Variants in CRY1 observed in about 807,000 individuals in gnomAD.
CRY1 encodes the protein cryptochrome-1.
A neutral mutation model predicts 76.0 loss-of-function variants in CRY1; 45 were observed. The ratio of observed to expected loss-of-function variants is 0.59; its 90% confidence interval spans 0.47 to 0.76. CRY1 has a LOEUF of 0.76. Among genes scored for constraint, CRY1 ranks in the 30% least tolerant of loss-of-function variants. The pLI is 0.00. For synonymous variants in CRY1, 248 were observed against 244.0 expected (o/e 1.02, Z -0.15); for missense variants, 587 against 716.4 (o/e 0.82, Z 2.06).
intron 1 of CRY1, among the ~76,000 whole-genome samples, chr12:107,054,278 G>A (rs1952957235): frequency 6.6e-6 from 1 of 151,862 alleles, no homozygotes. Context: ...CAAAATTATT[G>A]ATTAACTTTA....
At position 107,022,493 on chromosome 12, in the gene CRY1, T is replaced by C. The variant is rs114345342; in HGVS notation, c.159-301A>G. Among the ~76,000 whole-genome samples the C allele has an allele frequency of 6.9e-3, 1,048 of 152,170 alleles. 18 individuals carry two copies. The highest frequency in any genetic ancestry group is 0.024 in the African/African-American group (1,003 of 41,558). On this transcript the variant is annotated intron_variant, in intron 1 of 12. Coordinates refer to ENST00000008527, the MANE Select transcript of CRY1 (RefSeq NM_004075.5). ...ACAAAGAAGTATCAAAGCAATTAAATTGGTTTCATTGTTTAAACTTGATGA... is the reference window on the plus strand; with the variant it reads ...ACAAAGAAGTATCAAAGCAATTAAACTGGTTTCATTGTTTAAACTTGATGA...
At chr12:107,000,142 T>C (rs1425447130) in intron 5 of CRY1, 60 bp from the exon 6 acceptor site, 8 of 1,495,732 alleles carry the variant, frequency 5.3e-6, no homozygotes, top group Middle Eastern at 1.8e-4. Flanking sequence ...AAAAGAACAC[T>C]CAGAATGGAG....
intron 1 of CRY1, among the ~76,000 whole-genome samples, chr12:107,026,220 T>G (rs1372915002): frequency 3.6e-5 from 5 of 139,958 alleles, no homozygotes; most frequent in Non-Finnish European, 3.0e-5. Flanking sequence ...GATTTCAAAT[T>G]AAGTCAGTTC....
intron 2 of CRY1, among the ~76,000 whole-genome samples, chr12:107,012,962 C>T (rs1028887521): frequency 3.3e-5 from 5 of 152,168 alleles, no homozygotes; most frequent in African/African-American, 9.7e-5. Flanking sequence ...GGATGAGGAG[C>T]CGCTTTCTAT....
intron 1 of CRY1, among the ~76,000 whole-genome samples, chr12:107,069,146 G>A (rs1387485644): frequency 6.6e-6 from 1 of 151,882 alleles, no homozygotes; most frequent in Non-Finnish European, 1.5e-5. Flanking sequence ...TACAGCAGCT[G>A]TACTATTTTA....
At chr12:107,036,178 A>G (rs1024133361) in intron 1 of CRY1, among the ~76,000 whole-genome samples, 1 of 152,198 alleles carries the variant, frequency 6.6e-6, no homozygotes, top group Non-Finnish European at 1.5e-5. Flanking sequence ...CATTGGCCAG[A>G]AAGAGTCACA....
intron 1 of CRY1, among the ~76,000 whole-genome samples, chr12:107,060,193 A>C (rs770593793): frequency 2.6e-5 from 4 of 152,228 alleles, no homozygotes; most frequent in Non-Finnish European, 5.9e-5. Flanking sequence ...GTGGTGCTAT[A>C]GTTTGAATGT....
At chr12:107,043,765 C>T (rs1362470812) in intron 1 of CRY1, among the ~76,000 whole-genome samples, 1 of 152,092 alleles carries the variant, frequency 6.6e-6, no homozygotes, top group Admixed American at 6.5e-5. Flanking sequence ...GTATTTGCTG[C>T]CACTACATCT....
chr12:107,046,974 G>C (rs551101100), intron 1 of CRY1, among the ~76,000 whole-genome samples: 1 of 152,106 alleles, frequency 6.6e-6, no homozygotes, highest in Non-Finnish European at 1.5e-5. Flanking sequence ...CATCTAGGCA[G>C]AAGAAAATCA....
At position 106,997,599 on chromosome 12, in the gene CRY1, A is replaced by T. The variant is rs767661180; in HGVS notation, c.1381T>A (p.Leu461Met). Residue 461 changes from leucine (L) to methionine (M), a missense_variant, in exon 9 of 13, where the codon TTG becomes ATG. Coordinates refer to ENST00000008527, the MANE Select transcript of CRY1 (RefSeq NM_004075.5). Reference protein sequence around the residue: ...PEGIQKVAKCLIGVNYPKPMV... With the variant: ...PEGIQKVAKCMIGVNYPKPMV... Reference sequence around the variant, plus strand: ...GGTTTAGGATAATTAACTCCTATCAAACATTTGGCTACCTTTTGGATACCT... The same window carrying T: ...GGTTTAGGATAATTAACTCCTATCATACATTTGGCTACCTTTTGGATACCT... The T allele has an allele frequency of 6.2e-6, 10 of 1,614,042 alleles. No homozygotes were observed. The Admixed American group carries it at 1.7e-4, about 27-fold the overall frequency.
intron 3 of CRY1, 36 bp downstream of exon 3, chr12:107,005,070 G>A (rs550913471): frequency 7.0e-6 from 11 of 1,571,496 alleles, no homozygotes; most frequent in Admixed American, 1.8e-5. Context: ...TATGTTATAC[G>A]CATTTTCCCA....
At chr12:106,993,759 G>C (rs541039937) in intron 10 of CRY1, among the ~76,000 whole-genome samples, 6 of 152,068 alleles carry the variant, frequency 3.9e-5, no homozygotes, top group African/African-American at 1.2e-4. Context: ...CCCTAAGTGA[G>C]TATGAAGTAC....
intron 1 of CRY1, among the ~76,000 whole-genome samples, chr12:107,071,639 G>A (rs1170552386): frequency 6.6e-6 from 1 of 151,918 alleles, no homozygotes; most frequent in Non-Finnish European, 1.5e-5. Flanking sequence ...CCTTCCATAG[G>A]AGTTATGCTT....
At chr12:107,015,764 G>A (rs116371467) in intron 2 of CRY1, among the ~76,000 whole-genome samples, 4,066 of 152,102 alleles carry the variant, frequency 0.027, 68 homozygotes, top group African/African-American at 0.053. Flanking sequence ...GCTCACTGCA[G>A]CCTCCAACTT....
intron 3 of CRY1, among the ~76,000 whole-genome samples, chr12:107,004,653 G>C (rs1387693473): frequency 6.6e-6 from 1 of 152,076 alleles, no homozygotes; most frequent in Admixed American, 6.6e-5. Context: ...CATCCAATTT[G>C]CATCTGGATT....
intron 1 of CRY1, among the ~76,000 whole-genome samples, chr12:107,051,207 G>A (rs1593525874): frequency 6.6e-6 from 1 of 152,114 alleles, no homozygotes; most frequent in East Asian, 1.9e-4. Context: ...CATGTGTTAT[G>A]TAGAGAAAAA....
At chr12:107,017,253 TCTAGC>T (rs1220937770) in intron 2 of CRY1, among the ~76,000 whole-genome samples, 3 of 152,272 alleles carry the variant, frequency 2.0e-5, no homozygotes. Flanking sequence ...CTCACTGTGC[TCTAGC>T]ACACTGGCCT....
intron 1 of CRY1, among the ~76,000 whole-genome samples, chr12:107,041,358 C>CT (rs2136866705): frequency 6.6e-6 from 1 of 152,254 alleles, no homozygotes; most frequent in African/African-American, 2.4e-5. Flanking sequence ...GGGAAGATCT[C>CT]TAAGGTTTTA....
chr12:107,028,197 T>C (rs532708790), intron 1 of CRY1, among the ~76,000 whole-genome samples: 5 of 152,264 alleles, frequency 3.3e-5, no homozygotes, highest in Non-Finnish European at 5.9e-5. Context: ...TCTCAGTCAT[T>C]AACCAAAGTC....
Sources: allele counts gnomAD v4.1 joint callset (sites outside exome capture counted in the v4.1 genomes callset), GRCh38; gene constraint gnomAD v4.1.1; transcripts MANE v1.5; gene names NCBI Gene and HGNC (gene_info 2026-07-23, HGNC 2026-07-21).